HMX1: variants seen among roughly 807,000 people sequenced by gnomAD.
HMX1 encodes homeobox protein HMX1.
Under a neutral mutation model 8.9 loss-of-function variants are expected in HMX1, and 8 were observed. That is an observed-to-expected ratio of 0.90 (90% confidence interval 0.53 to 1.63). The LOEUF is 1.63. Among genes scored for constraint, HMX1 ranks in the 40% most tolerant of loss-of-function variants. HMX1 has a pLI of 0.00. For synonymous variants in HMX1, 311 were observed against 283.4 expected (o/e 1.10, Z -0.98); for missense variants, 621 against 558.5 (o/e 1.11, Z -1.13).
intron 1 of HMX1, chr4:8,846,442 G>A: frequency 1.3e-6 from 1 of 746,486 alleles, no homozygotes; most frequent in Non-Finnish European, 2.1e-6. Context: ...GGCTCACAGA[G>A]TGGTCTCCAA....
Position 8,868,245 on chromosome 4 carries a change from C to T in HMX1, c.495G>A (p.Ala165=), listed in dbSNP as rs1047966234. ...CCGCCGGGCCACGCGCCGCCAGCTC[C>T]GCTGCCTCCCGCTGCACCGCTCCCG... ...PGPGAVQREA[A]ELAARGPAAG... The change falls in exon 2 of 2, where the codon GCG becomes GCA. Residue 165 remains alanine (A), a synonymous_variant. Coordinates refer to ENST00000400677, the MANE Select transcript of HMX1 (RefSeq NM_018942.3). The surrounding 1 kb of genome is among the most constrained non-coding windows in gnomAD (Gnocchi z 4.6). 22 of 1,434,902 alleles carry T rather than the reference C, an allele frequency of 1.5e-5. No individual in the cohort carries two copies. The highest frequency in any genetic ancestry group is 1.1e-4 in the Admixed American group (4 of 36,906). 88.9% of individuals were successfully genotyped at this position (1,434,902 alleles called of 1,614,324 possible).
rs1722115795 is a variant in HMX1 at position 8,868,768 on chromosome 4, A to G, written c.395-423T>C. ...CGCAGAAGTCCCGGGACAAGAGGAA[A>G]GATGTCCTTCCGAGAAATGTTCACA... is the stretch of plus-strand genomic sequence containing the variant. On this transcript the variant is annotated intron_variant, in intron 1 of 1. Coordinates refer to ENST00000400677, the MANE Select transcript of HMX1 (RefSeq NM_018942.3). This position sits in a 1 kb window ranked among gnomAD's most constrained non-coding sequence, Gnocchi z 4.6. 6.6e-6 allele frequency among the ~76,000 whole-genome samples: 1 copy of G among 152,160 alleles called. No homozygotes were observed. Among genetic ancestry groups the G allele is most frequent in the Non-Finnish European group, 1.5e-5 (1 of 68,028 alleles).
Position 8,871,296 on chromosome 4 carries a change from C to A in HMX1, c.319G>T (p.Ala107Ser), listed in dbSNP as rs2109477390. The change falls in exon 1 of 2, where the codon GCT becomes TCT. Residue 107 changes from alanine (A) to serine (S), a missense_variant. Coordinates refer to ENST00000400677, the MANE Select transcript of HMX1 (RefSeq NM_018942.3). The surrounding 1 kb of genome is among the most constrained non-coding windows in gnomAD (Gnocchi z 4.8). The stretch of plus-strand genomic sequence containing the variant: ...CGCGCTGCGCCTCCGCAGCCCAGAG[C>A]GAAGGGCGGCCCGGGACCGGGGGGC... ...RPPPGPGPPF[A>S]LGCGGAARWY... is the part of the protein sequence containing the mutation. 3.5e-6 allele frequency: 5 copies of A among 1,444,316 alleles called. No homozygotes were observed. In the African/African-American group the frequency reaches 5.9e-5, roughly 17 times the overall value. 89.5% of individuals were successfully genotyped at this position (1,444,316 alleles called of 1,614,324 possible).
In HMX1 at chr4:8,867,451, C is replaced by T. The variant is rs1722040159; in HGVS notation, c.*242G>A. On this transcript the variant is annotated 3_prime_UTR_variant, in exon 2 of 2. Transcript: ENST00000400677. Reference sequence around the variant, plus strand: ...GGGGCTGCGCAGCCCAGAGTCTCTGCATGGCCCCCTGTTCGAGTGGGGATC... The same window carrying T: ...GGGGCTGCGCAGCCCAGAGTCTCTGTATGGCCCCCTGTTCGAGTGGGGATC... The T allele has an allele frequency of 8.9e-7, 1 of 1,127,384 alleles. No homozygotes were observed. 69.8% of individuals were successfully genotyped at this position (1,127,384 alleles called of 1,614,324 possible).
At position 8,871,462 on chromosome 4, in the gene HMX1, G is replaced by A. The variant is rs2109477771; in HGVS notation, c.153C>T (p.Asp51=). The A allele has an allele frequency of 7.5e-7, 1 of 1,338,476 alleles. No homozygotes were observed. The highest frequency in any genetic ancestry group is 9.7e-7 in the Non-Finnish European group (1 of 1,031,784). The allele number at this position is 1,338,476 out of a possible 1,614,324, so 82.9% of individuals were successfully genotyped here. A position where few individuals can be genotyped will look rare whatever the true frequency, so the allele number is the denominator to read the frequency against. ...CCTGCTCGGCGTCCTCGTCTTCGGGGTCGTCGTCGTCCTCCTCCTCGTCCT... is the reference window on the plus strand; with the variant it reads ...CCTGCTCGGCGTCCTCGTCTTCGGGATCGTCGTCGTCCTCCTCCTCGTCCT... ...SREDEEEDDD[D]PEDEDAEQAR... The change falls in exon 1 of 2, where the codon GAC becomes GAT. Residue 51 remains aspartate (D), a synonymous_variant. Coordinates refer to ENST00000400677, the MANE Select transcript of HMX1 (RefSeq NM_018942.3). The surrounding 1 kb of genome is among the most constrained non-coding windows in gnomAD (Gnocchi z 4.8).
Position 8,867,595 on chromosome 4 carries a change from A to G in HMX1, c.*98T>C. On this transcript the variant is annotated 3_prime_UTR_variant, in exon 2 of 2. Transcript: ENST00000400677. ...TATCTAGGAGGCCGCAGGAGCGACC[A>G]TCCCTTCCCTAACGCCCCCTGAGCC... is the stretch of plus-strand genomic sequence containing the variant. 2 of 1,187,142 alleles carry G rather than the reference A, an allele frequency of 1.7e-6. No individual in the cohort carries two copies. Among genetic ancestry groups the G allele is most frequent in the Non-Finnish European group, 2.1e-6 (2 of 959,186 alleles). The allele number at this position is 1,187,142 out of a possible 1,614,324, so 73.5% of individuals were successfully genotyped here.
chr4:8,860,490 G>A (rs952629873), intron 1 of HMX1, among the ~76,000 whole-genome samples: 1 of 152,236 alleles, frequency 6.6e-6, no homozygotes, highest in Non-Finnish European at 1.5e-5. Context: ...CTTTCCCAAA[G>A]CCACACAGCG....
chr4:8,851,335 G>T (rs1721443215), intron 1 of HMX1, among the ~76,000 whole-genome samples: 1 of 152,148 alleles, frequency 6.6e-6, no homozygotes, highest in African/African-American at 2.4e-5. Context: ...ATCCAGCTTG[G>T]GAGAGACCCA....
At chr4:8,846,672 C>T (rs1292852203) in intron 1 of HMX1, among the ~76,000 whole-genome samples, 1 of 152,160 alleles carries the variant, frequency 6.6e-6, no homozygotes, top group Non-Finnish European at 1.5e-5. Flanking sequence ...CTCTCACACT[C>T]CCCTGCAAAC....
downstream of HMX1, chr4:8,866,991 G>A (rs759721072): frequency 1.5e-5 from 13 of 849,610 alleles, no homozygotes; most frequent in East Asian, 1.2e-4. Context: ...CAGGAGGGAC[G>A]GCACCCAGCG....
In HMX1 at chr4:8,871,459, G is replaced by A. The variant is rs1161353667; in HGVS notation, c.156C>T (p.Pro52=). Residue 52 remains proline, a synonymous_variant, in exon 1 of 2, where the codon CCC becomes CCT. Transcript: ENST00000400677. The surrounding 1 kb of genome is among the most constrained non-coding windows in gnomAD (Gnocchi z 4.8). ...REDEEEDDDD[P]EDEDAEQARR... ...GCGCCTGCTCGGCGTCCTCGTCTTC[G>A]GGGTCGTCGTCGTCCTCCTCCTCGT... 1.0e-4 allele frequency: 135 copies of A among 1,341,466 alleles called. No individual in the cohort carries two copies. Among genetic ancestry groups the A allele is most frequent in the Non-Finnish European group, 1.2e-4 (126 of 1,034,542 alleles). 83.1% of individuals were successfully genotyped at this position (1,341,466 alleles called of 1,614,324 possible). A position where few individuals can be genotyped will look rare whatever the true frequency, so the allele number is the denominator to read the frequency against.
chr4:8,864,635 A>C (rs935485962), downstream of HMX1, among the ~76,000 whole-genome samples: 14 of 152,154 alleles, frequency 9.2e-5, no homozygotes, highest in African/African-American at 3.4e-4. Context: ...TCCAGGTCCT[A>C]CACTGCTTTT....
At chr4:8,860,599 C>A in intron 1 of HMX1, 1 of 152,526 alleles carries the variant, frequency 6.6e-6, no homozygotes, top group Non-Finnish European at 1.5e-5. Flanking sequence ...CAGAGAGCCC[C>A]GCGTCCCCCG....
At chr4:8,861,979 G>A (rs1473053616) in intron 1 of HMX1, among the ~76,000 whole-genome samples, 1 of 152,212 alleles carries the variant, frequency 6.6e-6, no homozygotes, top group Non-Finnish European at 1.5e-5. Context: ...GGGGAGCCGG[G>A]AGGCGGCGCC....
intron 1 of HMX1, among the ~76,000 whole-genome samples, chr4:8,858,128 G>A (rs908641005): frequency 1.3e-5 from 2 of 152,006 alleles, no homozygotes; most frequent in Non-Finnish European, 2.9e-5. Context: ...CAAGCCGGTC[G>A]AGGCCCCCGT....
intron 1 of HMX1, among the ~76,000 whole-genome samples, chr4:8,857,293 C>T (rs1721637746): frequency 6.6e-6 from 1 of 152,194 alleles, no homozygotes; most frequent in Admixed American, 6.5e-5. Context: ...CCGCCAACCT[C>T]GCCCAGCCGG....
chr4:8,852,449 A>G (rs1011656506), intron 1 of HMX1, among the ~76,000 whole-genome samples: 1 of 152,230 alleles, frequency 6.6e-6, no homozygotes, highest in African/African-American at 2.4e-5. Flanking sequence ...AAAGCCACAC[A>G]GCCAGGAAAC....
intron 1 of HMX1, among the ~76,000 whole-genome samples, chr4:8,858,547 G>C (rs891257662): frequency 9.8e-5 from 15 of 152,312 alleles, no homozygotes; most frequent in African/African-American, 3.4e-4. Context: ...CCATTCGGGA[G>C]AGAGAGGTGC....
In HMX1 at chr4:8,867,050, C is replaced by G. The variant is rs1458916636; in HGVS notation, c.*643G>C. 1.0e-5 allele frequency: 10 copies of G among 984,092 alleles called. No homozygotes were observed. Among genetic ancestry groups the G allele is most frequent in the Non-Finnish European group, 1.2e-5 (10 of 828,796 alleles). 61.0% of individuals were successfully genotyped at this position (984,092 alleles called of 1,614,324 possible). On this transcript the variant is annotated 3_prime_UTR_variant, in exon 2 of 2. Coordinates refer to ENST00000400677, the MANE Select transcript of HMX1 (RefSeq NM_018942.3). ...GTGATCACAAAGCAGTGAAACTGTC[C>G]AGAAAATGTCCCTTTTTATTCCATA...
Sources: allele counts gnomAD v4.1 joint callset (sites outside exome capture counted in the v4.1 genomes callset), GRCh38; gene constraint gnomAD v4.1.1; non-coding constraint Gnocchi (gnomAD v3.1); transcripts MANE v1.5; gene names NCBI Gene and HGNC (gene_info 2026-07-23, HGNC 2026-07-21).